The following TMEM164 variants were observed in gnomAD, a reference collection of about 807,000 sequenced individuals.
The protein encoded by TMEM164 is RP13-360B22.2.
In TMEM164, 4 loss-of-function variants were observed where a neutral mutation model predicts 18.8. The ratio of observed to expected loss-of-function variants is 0.21; its 90% CI spans 0.10 to 0.49. TMEM164 has a LOEUF of 0.49. Among genes scored for constraint, TMEM164 ranks in the 20% least tolerant of loss-of-function variants. TMEM164 has a pLI of 0.98. For missense variants in TMEM164, 108 were observed against 239.9 expected, an observed-to-expected ratio of 0.45 and a Z score of 3.63; for synonymous variants, 86 against 101.7, an observed-to-expected ratio of 0.85 and a Z score of 0.93.
intron 5 of TMEM164, among the ~76,000 whole-genome samples, chrX:110,168,007 C>T (rs192703470): frequency 1.9e-4 from 21 of 112,164 alleles, no homozygotes; most frequent in South Asian, 3.8e-4. Flanking sequence ...AGGACACCCC[C>T]CACCAACACC....
chrX:110,091,950 A>G (rs1336776849), intron 3 of TMEM164, among the ~76,000 whole-genome samples: 2 of 112,169 alleles, frequency 1.8e-5, no homozygotes, highest in Non-Finnish European at 3.8e-5. Flanking sequence ...TCCCAGCACC[A>G]TTTATTAAAT....
chrX:110,046,304 T>C lies in TMEM164; in HGVS notation c.391-21043T>C, dbSNP rs991196694. 37 of 753,189 alleles carry C rather than the reference T, an allele frequency of 4.9e-5. No homozygotes were observed. The African/African-American group carries it at 8.5e-4, about 17-fold the overall frequency. The allele number at this position is 753,189 out of a possible 1,213,427, so 62.1% of individuals were successfully genotyped here. On this transcript the variant is annotated intron_variant, in intron 2 of 6. Coordinates refer to ENST00000372068, the MANE Select transcript of TMEM164 (RefSeq NM_032227.4). Reference sequence around the variant, plus strand: ...CTCAACCAACAGGGGGCCTTCTTTATCCTATTTAACCTCTCAGTAGAGTAT... The same window carrying C: ...CTCAACCAACAGGGGGCCTTCTTTACCCTATTTAACCTCTCAGTAGAGTAT...
intron 2 of TMEM164, among the ~76,000 whole-genome samples, chrX:110,038,391 C>T (rs1481556631): frequency 1.8e-5 from 2 of 111,222 alleles, no homozygotes; most frequent in African/African-American, 6.5e-5. Flanking sequence ...TCATTCTCTA[C>T]CCTACCTGTA....
chrX:110,030,810 CAAA>C (rs58149863), intron 2 of TMEM164, among the ~76,000 whole-genome samples: 3 of 68,671 alleles, frequency 4.4e-5, no homozygotes, highest in Non-Finnish European at 8.2e-5. Context: ...GACTCTGTCT[CAAA>C]AAAAAAAAAA....
chrX:110,146,913 T>C (rs530281333), intron 5 of TMEM164, among the ~76,000 whole-genome samples: 1 of 112,652 alleles, frequency 8.9e-6, no homozygotes, highest in Middle Eastern at 4.6e-3. Context: ...CTGGGGCTTC[T>C]GTTCCCTAGA....
At chrX:110,052,923 T>C (rs1456793150) in intron 2 of TMEM164, among the ~76,000 whole-genome samples, 1 of 109,830 alleles carries the variant, frequency 9.1e-6, no homozygotes, top group African/African-American at 3.3e-5. Context: ...GCTAATTTTT[T>C]TGTATTTTTA....
Position 110,135,451 on chromosome X carries a change from A to C in TMEM164, c.508-9347A>C, listed in dbSNP as rs184238769. 7.0e-3 allele frequency among the ~76,000 whole-genome samples: 780 copies of C among 111,691 alleles called. 7 individuals are homozygous for C. The highest frequency in any genetic ancestry group is 0.022 in the African/African-American group (685 of 30,803). On this transcript the variant is annotated intron_variant, in intron 4 of 6. Coordinates refer to ENST00000372068, the MANE Select transcript of TMEM164 (RefSeq NM_032227.4). Reference sequence around the variant, plus strand: ...AAATAATGCTGCAGTGAACATCTTTATGCATATATTTTTGTGCATGTGGGC... The same window carrying C: ...AAATAATGCTGCAGTGAACATCTTTCTGCATATATTTTTGTGCATGTGGGC...
chrX:110,049,184 T>C (rs1935439841), intron 2 of TMEM164, among the ~76,000 whole-genome samples: 1 of 111,724 alleles, frequency 9.0e-6, no homozygotes, highest in Non-Finnish European at 1.9e-5. Flanking sequence ...AAAATTGCAT[T>C]GTACCTTAAA....
At chrX:110,108,964 A>G in intron 3 of TMEM164, 116 bp from the exon 4 acceptor site, 1 of 642,288 alleles carries the variant, frequency 1.6e-6, no homozygotes, top group Admixed American at 2.6e-5. Flanking sequence ...TTCCACAGAG[A>G]GCAACTTGTA....
chrX:110,030,108 G>GTTTTTTTT (rs34803907), intron 2 of TMEM164, among the ~76,000 whole-genome samples: 1 of 26,970 alleles, frequency 3.7e-5, no homozygotes, highest in African/African-American at 1.4e-4. Flanking sequence ...TTCTCTGTCT[G>GTTTTTTTT]TTTTTTTTTT....
chrX:110,124,390 G>A (rs746114868), intron 4 of TMEM164, among the ~76,000 whole-genome samples: 7 of 111,901 alleles, frequency 6.3e-5, no homozygotes, highest in African/African-American at 1.9e-4. Context: ...CTCCTCCTGA[G>A]GCCCATCTCT....
intron 2 of TMEM164, among the ~76,000 whole-genome samples, chrX:110,011,260 A>G (rs1212096090): frequency 8.9e-6 from 1 of 112,343 alleles, no homozygotes; most frequent in Non-Finnish European, 1.9e-5. Context: ...AAGGAAATAG[A>G]TCAACTAAAT....
rs373383520 is a variant in TMEM164 at position 110,109,070 on chromosome X, C to T, written c.441-10C>T. 1.7e-5 allele frequency: 20 copies of T among 1,206,884 alleles called. No individual in the cohort carries two copies. The East Asian group carries it at 2.7e-4, about 16-fold the overall frequency. On this transcript the variant is annotated splice_polypyrimidine_tract_variant and intron_variant, in intron 3 of 6. Transcript: ENST00000372068. The stretch of plus-strand genomic sequence containing the variant: ...AGTATGACCTGAACTTTATCTTTCT[C>T]CCCCTCTAGGCTACAGATGCACATG...
rs1389583863 is a variant in TMEM164, at chrX:110,093,875, T to C, written c.441-15205T>C. 4.5e-5 allele frequency among the ~76,000 whole-genome samples: 5 copies of C among 112,182 alleles called. No individual in the cohort carries two copies. The Admixed American group carries it at 4.7e-4, about 11-fold the overall frequency. ...AGCTTTAAATGTGTCCCAGAGATTC[T>C]GGTATGTTATGTCTTTGTTCTCATT... On this transcript the variant is annotated intron_variant, in intron 3 of 6. Coordinates refer to ENST00000372068, the MANE Select transcript of TMEM164 (RefSeq NM_032227.4).
intron 5 of TMEM164, among the ~76,000 whole-genome samples, chrX:110,145,524 A>G (rs2066841210): frequency 8.9e-6 from 1 of 111,739 alleles, no homozygotes; most frequent in Admixed American, 9.4e-5. Flanking sequence ...AGGGGTGCCT[A>G]TCCATCTAGG....
At chrX:110,182,941 G>A (rs955671856), downstream of TMEM164, among the ~76,000 whole-genome samples, 5 of 111,840 alleles carry the variant, frequency 4.5e-5, no homozygotes, top group Non-Finnish European at 7.5e-5. Context: ...ACAGGAAGCC[G>A]CTTTTGGACA....
At chrX:110,144,687 G>C in intron 4 of TMEM164, 111 bp from the exon 5 acceptor site, 1 of 443,083 alleles carries the variant, frequency 2.3e-6, no homozygotes. Flanking sequence ...TTGGTGAAAT[G>C]CATGGGATTG....
At chrX:110,056,371 T>C (rs1378839678) in intron 2 of TMEM164, among the ~76,000 whole-genome samples, 3 of 112,479 alleles carry the variant, frequency 2.7e-5, no homozygotes, top group African/African-American at 9.7e-5. Flanking sequence ...CTTATTTTTA[T>C]GGCCAATTAA....
chrX:110,069,557 A>G (rs1208010399), intron 3 of TMEM164, among the ~76,000 whole-genome samples: 6 of 96,361 alleles, frequency 6.2e-5, no homozygotes, highest in African/African-American at 1.5e-4. Context: ...TTTCCCAAAT[A>G]TGTTTATATT....
Sources: allele counts gnomAD v4.1 joint callset (sites outside exome capture counted in the v4.1 genomes callset), GRCh38; gene constraint gnomAD v4.1.1; transcripts MANE v1.5; gene names NCBI Gene and HGNC (gene_info 2026-07-23, HGNC 2026-07-21).